EFHB: variants seen among roughly 807,000 people sequenced by gnomAD.
The protein encoded by EFHB is EF-hand domain-containing family member B.
Under a neutral mutation model 87.2 loss-of-function variants are expected in EFHB, and 91 were observed. The ratio of observed to expected loss-of-function variants is 1.04; its 90% CI spans 0.88 to 1.24. The LOEUF (loss-of-function observed/expected upper bound fraction) is 1.24, where lower values mean the gene tolerates loss of function less well. Ranked by LOEUF, EFHB falls within the 50% of genes most tolerant of loss-of-function variation. EFHB has a pLI of 0.00. For synonymous variants in EFHB, 325 were observed against 333.6 expected (o/e 0.97, Z 0.28); for missense variants, 1,084 against 998.8 (o/e 1.09, Z -1.15).
rs766878836 is a variant in EFHB at position 19,905,638 on chromosome 3, C to A, written c.1400G>T (p.Trp467Leu). 5.0e-6 allele frequency: 8 copies of A among 1,613,540 alleles called. No homozygotes were observed. The East Asian group carries it at 1.8e-4, about 36-fold the overall frequency. The change falls in exon 6 of 13, where the codon TGG becomes TTG. Residue 467 changes from tryptophan (W) to leucine (L), a missense_variant. By Grantham distance (61) the Trp-to-Leu change is moderately conservative. Transcript: ENST00000295824. Reference sequence around the variant, plus strand: ...AACTTACATTTGTAGTTCATGGAGCCAATATAGAGATTTTGCCATGGCTCG... The same window carrying A: ...AACTTACATTTGTAGTTCATGGAGCAAATATAGAGATTTTGCCATGGCTCG... ...DGRAMAKSLYWLHELQMKRGA... is the reference protein window; with the variant it reads ...DGRAMAKSLYLLHELQMKRGA...
intron 10 of EFHB, among the ~76,000 whole-genome samples, chr3:19,885,708 AC>A (rs1694076374): frequency 6.6e-6 from 1 of 152,114 alleles, no homozygotes; most frequent in Non-Finnish European, 1.5e-5. Context: ...GAAAAGACTT[AC>A]GTCTCTGAAG....
At chr3:19,936,336 T>TAAAAA, upstream of EFHB, 1 of 358,668 alleles carries the variant, frequency 2.8e-6, no homozygotes, top group Non-Finnish European at 4.8e-6. Context: ...GGCGACAGAC[T>TAAAAA]GAAAAAAAAA....
chr3:19,933,542 T>A lies in EFHB; in HGVS notation c.477A>T (p.Gly159=), dbSNP rs768239493. Residue 159 remains glycine (G), a synonymous_variant, in exon 1 of 13, where the codon GGA becomes GGT. Coordinates refer to ENST00000295824, the MANE Select transcript of EFHB (RefSeq NM_144715.4). ...TTGGTTCCATAACGAAAGCAGGCTT[T>A]CCCACTAATTCCTCTACCCCTTCAG... ...SGPEGVEELV[G]KPAFVMEPRQ... is the part of the protein sequence containing the mutation. The A allele has an allele frequency of 6.2e-7, 1 of 1,613,884 alleles. No individual in the cohort carries two copies. The highest frequency in any genetic ancestry group is 1.3e-5 in the African/African-American group (1 of 74,906).
intron 5 of EFHB, among the ~76,000 whole-genome samples, chr3:19,909,308 G>C (rs1328683981): frequency 6.6e-6 from 1 of 152,052 alleles, no homozygotes; most frequent in African/African-American, 2.4e-5. Flanking sequence ...TTTCCTGTTA[G>C]AGCAGAATGG....
At position 19,899,504 on chromosome 3, in the gene EFHB, G is replaced by A. The variant is rs758321813; in HGVS notation, c.1430C>T (p.Ala477Val). The change falls in exon 7 of 13, where the codon GCT (alanine) becomes GTT (valine). Residue 477 changes from alanine to valine, a missense_variant. By Grantham distance (64) the Ala-to-Val change is moderately conservative. Transcript: ENST00000295824. ...WLHELQMKRG[A>V]KFVSKRADDF... ...ATCTGCTCTTTTGGATACAAACTTA[G>A]CTCCTCTTTTCCTGCAAAATTAGAA... The A allele has an allele frequency of 1.3e-6, 2 of 1,599,470 alleles. No individual in the cohort carries two copies. Among genetic ancestry groups the A allele is most frequent in the South Asian group, 2.3e-5 (2 of 87,500 alleles).
chr3:19,896,843 T>C lies in EFHB; in HGVS notation c.1571-2A>G. 1 of 1,595,858 alleles carries C rather than the reference T, an allele frequency of 6.3e-7. No individual in the cohort carries two copies. Among genetic ancestry groups the C allele is most frequent in the Non-Finnish European group, 8.5e-7 (1 of 1,170,904 alleles). On this transcript the variant is annotated splice_acceptor_variant, in intron 8 of 12. Coordinates refer to ENST00000295824, the MANE Select transcript of EFHB (RefSeq NM_144715.4). LOFTEE classifies it high-confidence loss of function. Reference sequence around the variant, plus strand: ...TATTATGGATGAGATCACCAACTCCTATTGAAGAGAGAAAAAACTTTTTAC... The same window carrying C: ...TATTATGGATGAGATCACCAACTCCCATTGAAGAGAGAAAAAACTTTTTAC...
intron 9 of EFHB, among the ~76,000 whole-genome samples, chr3:19,892,197 T>C (rs1481937816): frequency 6.6e-6 from 1 of 152,212 alleles, no homozygotes; most frequent in African/African-American, 2.4e-5. Context: ...GTGCACCCTA[T>C]AGCACAAAAG....
At chr3:19,881,757 C>T (rs112631272) in intron 12 of EFHB, among the ~76,000 whole-genome samples, 9 of 152,118 alleles carry the variant, frequency 5.9e-5, no homozygotes, top group African/African-American at 2.2e-4. Flanking sequence ...ATCTGAAGTC[C>T]GAAAAGACAT....
rs145933876 is a variant in EFHB, at chr3:19,896,743, T to G, written c.1669A>C (p.Lys557Gln). 10,361 of 1,614,022 alleles carry G rather than the reference T, an allele frequency of 6.4e-3. 43 individuals are homozygous for G. The highest frequency in any genetic ancestry group is 7.7e-3 in the Non-Finnish European group (9,102 of 1,179,880). Residue 557 changes from lysine (K) to glutamine (Q), a missense_variant, in exon 9 of 13, where the codon AAA (lysine) becomes CAA (glutamine). Lys to Gln is a moderately conservative substitution (Grantham distance 53). Transcript: ENST00000295824. ...GTGTCAAACTTTTGGTAATTAACTT[T>G]CTTCAGGTGATGCCGAACTGCTGCA... The part of the protein sequence containing the change: ...LIAAVRHHLK[K>Q]VNYQKFDTLL...
chr3:19,893,506 G>A (rs1694374559), intron 9 of EFHB, among the ~76,000 whole-genome samples: 1 of 152,158 alleles, frequency 6.6e-6, no homozygotes, highest in Non-Finnish European at 1.5e-5. Context: ...AGGATGTTCA[G>A]GGGAGTGACA....
At position 19,896,762 on chromosome 3, in the gene EFHB, T is replaced by G. The variant is rs1559451782; in HGVS notation, c.1650A>C (p.Ala550=). 26 of 1,614,010 alleles carry G rather than the reference T, an allele frequency of 1.6e-5. No homozygotes were observed. Among genetic ancestry groups the G allele is most frequent in the Non-Finnish European group, 2.0e-5 (24 of 1,179,890 alleles). The part of the protein sequence containing the change: ...GKDRQRALIA[A]VRHHLKKVNY... ...TAACTTTCTTCAGGTGATGCCGAAC[T>G]GCTGCAATCAGGGCTCGCTGTCTAT... The change falls in exon 9 of 13, where the codon GCA becomes GCC. Residue 550 remains alanine, a synonymous_variant. Coordinates refer to ENST00000295824, the MANE Select transcript of EFHB (RefSeq NM_144715.4).
intron 1 of EFHB, among the ~76,000 whole-genome samples, chr3:19,924,213 TCTC>T (rs921221592): frequency 2.0e-5 from 3 of 151,376 alleles, no homozygotes; most frequent in African/African-American, 7.3e-5. Context: ...TCTCTCTCTC[TCTC>T]TTTTTTTTTT....
Position 19,879,697 on chromosome 3 carries a change from C to T in EFHB, c.2436G>A (p.Glu812=). 6.2e-7 allele frequency: 1 copy of T among 1,610,674 alleles called. No homozygotes were observed. Among genetic ancestry groups the T allele is most frequent in the South Asian group, 1.1e-5 (1 of 90,342 alleles). The change falls in exon 13 of 13, where the codon GAG becomes GAA. Residue 812 remains glutamate, a synonymous_variant. Coordinates refer to ENST00000295824, the MANE Select transcript of EFHB (RefSeq NM_144715.4). ...KKHHRGEVCV[E]NIRNVLDELR... Reference sequence around the variant, plus strand: ...GCTCATCTAGAACATTTCTGATGTTCTCAACACAAACTTCTCCTCTGTGAT... The same window carrying T: ...GCTCATCTAGAACATTTCTGATGTTTTCAACACAAACTTCTCCTCTGTGAT...
chr3:19,920,502 C>T lies in EFHB; in HGVS notation c.852+3G>A, dbSNP rs376518303. 27 of 1,599,486 alleles carry T rather than the reference C, an allele frequency of 1.7e-5. No individual in the cohort carries two copies. The highest frequency in any genetic ancestry group is 2.2e-5 in the Non-Finnish European group (26 of 1,174,722). ...AATATAAAGGTATATTGAAAGTGCTCACCCTGGGAAGTTTTTCAGTCAAGC... is the reference window on the plus strand; with the variant it reads ...AATATAAAGGTATATTGAAAGTGCTTACCCTGGGAAGTTTTTCAGTCAAGC... On this transcript the variant is annotated splice_donor_region_variant and intron_variant, in intron 2 of 12. Transcript: ENST00000295824.
rs111736490 is a variant in EFHB, at chr3:19,879,664, A to G, written c.2469T>C (p.His823=). 2.2e-5 allele frequency: 35 copies of G among 1,602,314 alleles called. No homozygotes were observed. In the African/African-American group the frequency reaches 2.4e-4, roughly 11 times the overall value. Residue 823 remains histidine, a synonymous_variant, in exon 13 of 13, where the codon CAT becomes CAC. Transcript: ENST00000295824. ...GTGTTTTACACTTGATCCGGTCTGCATGCCGTAGCTCATCTAGAACATTTC... is the reference window on the plus strand; with the variant it reads ...GTGTTTTACACTTGATCCGGTCTGCGTGCCGTAGCTCATCTAGAACATTTC... The part of the protein sequence containing the change: ...NIRNVLDELR[H]ADRIKCKTLM
chr3:19,933,246 G>A lies in EFHB; in HGVS notation c.773C>T (p.Thr258Ile). ...PIYSGKFFDR[T>I]PCWPSAGKVI... ...AAAACTTACACTTGGCCAGCAAGGG[G>A]TCCGATCAAAAAACTTCCCAGAGTA... The change falls in exon 1 of 13, where the codon ACC becomes ATC. Residue 258 changes from threonine (T) to isoleucine (I), a missense_variant. Thr to Ile is a moderately conservative substitution (Grantham distance 89). Coordinates refer to ENST00000295824, the MANE Select transcript of EFHB (RefSeq NM_144715.4). The A allele has an allele frequency of 6.2e-7, 1 of 1,613,094 alleles. No individual in the cohort carries two copies. Among genetic ancestry groups the A allele is most frequent in the South Asian group, 1.1e-5 (1 of 91,048 alleles).
intron 5 of EFHB, among the ~76,000 whole-genome samples, chr3:19,912,012 A>C (rs1436900380): frequency 3.9e-5 from 6 of 152,160 alleles, no homozygotes; most frequent in Middle Eastern, 3.4e-3. Flanking sequence ...AAAATAGAGA[A>C]AGAGATAGGA....
chr3:19,890,787 T>C (rs1355321100), intron 9 of EFHB, among the ~76,000 whole-genome samples: 1 of 152,114 alleles, frequency 6.6e-6, no homozygotes, highest in Non-Finnish European at 1.5e-5. Context: ...ACTTATTGCC[T>C]CCCTAACATA....
At chr3:19,934,713 A>C (rs1695968527), upstream of EFHB, among the ~76,000 whole-genome samples, 1 of 152,156 alleles carries the variant, frequency 6.6e-6, no homozygotes, top group Non-Finnish European at 1.5e-5. Flanking sequence ...GATGATGAAC[A>C]AATAAACTTT....
Sources: allele counts gnomAD v4.1 joint callset (sites outside exome capture counted in the v4.1 genomes callset), GRCh38; gene constraint gnomAD v4.1.1; transcripts MANE v1.5; gene names NCBI Gene and HGNC (gene_info 2026-07-23, HGNC 2026-07-21).